PLB1: variants seen among roughly 807,000 people sequenced by gnomAD.
PLB1 encodes phospholipase B1, also known as phospholipase B1, membrane-associated.
PLB1 carries 242 observed loss-of-function variants against 227.4 expected under a neutral mutation model. The observed-to-expected ratio is 1.06, with a 90% CI of 0.96 to 1.18. PLB1 has a LOEUF of 1.18. Ranked by LOEUF, PLB1 falls within the 50% of genes most tolerant of loss-of-function variation. The pLI is 0.00. For synonymous variants in PLB1, 757 were observed against 682.2 expected (o/e 1.11, Z -1.71); for missense variants, 1,858 against 1,816.3 (o/e 1.02, Z -0.42).
chr2:28,633,353 C>A, intron 56 of PLB1: 1 of 345,434 alleles, frequency 2.9e-6, no homozygotes, highest in Non-Finnish European at 5.4e-6. Flanking sequence ...ACTTCTACCT[C>A]GTACTGTGTG....
In PLB1 at chr2:28,593,647, T is replaced by C. The variant is rs1682383234; in HGVS notation, c.2248-34T>C. The C allele has an allele frequency of 2.5e-6, 4 of 1,599,262 alleles. No homozygotes were observed. The African/African-American group carries it at 4.0e-5, about 16-fold the overall frequency. Reference sequence around the variant, plus strand: ...ACAGCCTCCCTGTTCTCTGACTTGCTAATTTTCCTATGGACTCTGGTATAT... The same window carrying C: ...ACAGCCTCCCTGTTCTCTGACTTGCCAATTTTCCTATGGACTCTGGTATAT... On this transcript the variant is annotated intron_variant, in intron 32 of 57. Transcript: ENST00000327757.
At chr2:28,558,998 T>A (rs539807347) in intron 17 of PLB1, among the ~76,000 whole-genome samples, 188 of 152,296 alleles carry the variant, frequency 1.2e-3, no homozygotes, top group African/African-American at 4.4e-3. Flanking sequence ...GTGCTGGGAT[T>A]ATAGGCATGA....
At chr2:28,597,017 A>G (rs1033123890) in intron 33 of PLB1, among the ~76,000 whole-genome samples, 2 of 152,190 alleles carry the variant, frequency 1.3e-5, no homozygotes, top group Non-Finnish European at 2.9e-5. Context: ...TAATCCCAGC[A>G]CTTTGGGAGG....
At chr2:28,517,459 T>C (rs1173156842) in intron 2 of PLB1, among the ~76,000 whole-genome samples, 1 of 152,210 alleles carries the variant, frequency 6.6e-6, no homozygotes, top group Non-Finnish European at 1.5e-5. Flanking sequence ...GAGGTCCAAG[T>C]GGTCTTGAGG....
At chr2:28,551,170 T>C (rs1368390317) in intron 16 of PLB1, among the ~76,000 whole-genome samples, 3 of 152,158 alleles carry the variant, frequency 2.0e-5, no homozygotes, top group African/African-American at 4.8e-5. Flanking sequence ...GAAGAGAAAA[T>C]TAAGAAAGAG....
chr2:28,583,960 C>G (rs959313396), intron 25 of PLB1, among the ~76,000 whole-genome samples: 2 of 152,326 alleles, frequency 1.3e-5, no homozygotes, highest in East Asian at 1.9e-4. Flanking sequence ...AGACGTTCCT[C>G]TAAGTGAAGC....
chr2:28,601,171 A>C, intron 36 of PLB1, 81 bp from the exon 37 acceptor site: 1 of 1,182,126 alleles, frequency 8.5e-7, no homozygotes, highest in South Asian at 1.3e-5. Flanking sequence ...GATGTTATAG[A>C]GGGTTGAATG....
chr2:28,625,815 C>A (rs1020760654), intron 50 of PLB1, among the ~76,000 whole-genome samples: 1 of 152,014 alleles, frequency 6.6e-6, no homozygotes, highest in African/African-American at 2.4e-5. Flanking sequence ...TGGGACACAT[C>A]CACATTCTAC....
At position 28,628,583 on chromosome 2, in the gene PLB1, A is replaced by G. The variant is rs1368553750; in HGVS notation, c.3681A>G (p.Glu1227=). 4 of 1,614,138 alleles carry G rather than the reference A, an allele frequency of 2.5e-6. No homozygotes were observed. Among genetic ancestry groups the G allele is most frequent in the Middle Eastern group, 1.7e-4 (1 of 6,060 alleles). ...TACAGGAGGCCCACTTGGCCACGGA[A>G]TATGTTCAGCACATCCAACAGGCCC... ...CENPEAHLAT[E]YVQHIQQALD... is the part of the protein sequence containing the mutation. Residue 1227 remains glutamate, a synonymous_variant, in exon 52 of 58, where the codon GAA becomes GAG. Coordinates refer to ENST00000327757, the MANE Select transcript of PLB1 (RefSeq NM_153021.5).
At chr2:28,573,122 C>G in intron 20 of PLB1, 75 bp from the exon 21 acceptor site, 1 of 1,152,878 alleles carries the variant, frequency 8.7e-7, no homozygotes, top group Non-Finnish European at 1.3e-6. Context: ...CCCTAACACC[C>G]ACTGGTGCTT....
chr2:28,624,821 A>AT (rs944006520), intron 49 of PLB1, among the ~76,000 whole-genome samples: 7 of 152,160 alleles, frequency 4.6e-5, no homozygotes, highest in African/African-American at 1.7e-4. Context: ...GCTTGACGGG[A>AT]TCCCAACCCG....
At chr2:28,510,022 A>G (rs1010289404) in intron 1 of PLB1, among the ~76,000 whole-genome samples, 9 of 152,224 alleles carry the variant, frequency 5.9e-5, no homozygotes, top group African/African-American at 2.2e-4. Flanking sequence ...ACCCCAGAGC[A>G]GTTATCATGG....
chr2:28,615,917 T>C (rs1201788519), intron 44 of PLB1, among the ~76,000 whole-genome samples: 1 of 152,236 alleles, frequency 6.6e-6, no homozygotes, highest in Non-Finnish European at 1.5e-5. Flanking sequence ...AATTCTGTCA[T>C]CTGAGGTAAC....
chr2:28,557,678 T>G (rs1291499581), intron 17 of PLB1, among the ~76,000 whole-genome samples: 3 of 152,038 alleles, frequency 2.0e-5, no homozygotes, highest in African/African-American at 7.2e-5. Flanking sequence ...TCGTGATGAG[T>G]TAATGATGTG....
intron 9 of PLB1, among the ~76,000 whole-genome samples, chr2:28,534,122 G>A (rs1199758010): frequency 6.6e-6 from 1 of 152,020 alleles, no homozygotes; most frequent in Non-Finnish European, 1.5e-5. Context: ...CACTAACCAA[G>A]TATTGTTGAG....
At chr2:28,615,346 G>A (rs1180558543) in intron 44 of PLB1, among the ~76,000 whole-genome samples, 1 of 152,186 alleles carries the variant, frequency 6.6e-6, no homozygotes, top group African/African-American at 2.4e-5. Context: ...AGATGGGAAG[G>A]CATTGGCGGT....
chr2:28,609,785 T>A (rs1685185237), intron 43 of PLB1, among the ~76,000 whole-genome samples: 1 of 152,218 alleles, frequency 6.6e-6, no homozygotes, highest in East Asian at 1.9e-4. Flanking sequence ...TCTACAGGCA[T>A]GAAATGTCAG....
chr2:28,527,693 G>T (rs948289974), intron 6 of PLB1, among the ~76,000 whole-genome samples: 1 of 152,212 alleles, frequency 6.6e-6, no homozygotes, highest in African/African-American at 2.4e-5. Context: ...TGTGCCCTTT[G>T]TTCTCACCCC....
intron 10 of PLB1, among the ~76,000 whole-genome samples, chr2:28,538,881 G>C (rs890396386): frequency 2.0e-5 from 3 of 152,260 alleles, no homozygotes; most frequent in Non-Finnish European, 4.4e-5. Flanking sequence ...CGCCCACCGT[G>C]AGGGACAGAG....
Sources: gnomAD v4.1 joint callset for allele counts (sites outside exome capture counted in the v4.1 genomes callset) on GRCh38, gnomAD v4.1.1 for gene constraint, MANE v1.5 for transcripts, NCBI Gene and HGNC (gene_info 2026-07-23, HGNC 2026-07-21) for gene names.